The following HDAC9 variants were observed in gnomAD, a reference collection of about 807,000 sequenced individuals.
HDAC9 encodes histone deacetylase 9, also known as MEF-2 interacting transcription repressor (MITR) protein.
A neutral mutation model predicts 139.4 loss-of-function variants in HDAC9; 41 were observed. That is an observed-to-expected ratio of 0.29 (90% CI 0.23 to 0.38). The LOEUF (loss-of-function observed/expected upper bound fraction) is 0.38, where lower values mean the gene tolerates loss of function less well. Ranked by LOEUF, HDAC9 falls within the 10% of genes least tolerant of loss-of-function variation. The probability of loss-of-function intolerance (pLI) is 1.00; values close to 1 mark genes in which losing one functional copy is unlikely to be tolerated. For synonymous variants in HDAC9, 517 were observed against 476.2 expected, an observed-to-expected ratio of 1.09 and a Z score of -1.12; for missense variants, 1,147 against 1,297.0, an observed-to-expected ratio of 0.88 and a Z score of 1.78.
chr7:18,623,946 G>A (rs772721556), intron 6 of HDAC9, among the ~76,000 whole-genome samples: 1 of 152,010 alleles, frequency 6.6e-6, no homozygotes, highest in Non-Finnish European at 1.5e-5. Context: ...TGCAGGGGGG[G>A]TAAAAAAAGC....
At chr7:18,277,645 G>GA in intron 2 of HDAC9, among the ~76,000 whole-genome samples, 1 of 152,046 alleles carries the variant, frequency 6.6e-6, no homozygotes, top group African/African-American at 2.4e-5. Context: ...AAGACTTACT[G>GA]GAAGTCATTT....
intron 13 of HDAC9, among the ~76,000 whole-genome samples, chr7:18,732,473 T>TATAC (rs774575383): frequency 4.7e-5 from 7 of 148,110 alleles, no homozygotes; most frequent in African/African-American, 1.6e-4. Flanking sequence ...TATGTGTGTA[T>TATAC]ATACAGTGTA....
intron 1 of HDAC9, among the ~76,000 whole-genome samples, chr7:18,332,382 TGTGTGTGTGTGAGA>T (rs1454365752): frequency 6.7e-6 from 1 of 148,900 alleles, no homozygotes; most frequent in African/African-American, 2.5e-5. Flanking sequence ...TGTGTGTGTG[TGTGTGTGTGTGAGA>T]GAGAGAGAGA....
At chr7:18,320,406 T>A (rs897022691) in intron 1 of HDAC9, among the ~76,000 whole-genome samples, 1 of 152,202 alleles carries the variant, frequency 6.6e-6, no homozygotes, top group South Asian at 2.1e-4. Context: ...TAATAATGAC[T>A]GAGGGAATAA....
At chr7:18,279,517 G>A (rs1796957464) in intron 2 of HDAC9, among the ~76,000 whole-genome samples, 1 of 151,572 alleles carries the variant, frequency 6.6e-6, no homozygotes, top group Non-Finnish European at 1.5e-5. Flanking sequence ...AGGCTGGAGT[G>A]CGCAGTGGCG....
chr7:18,955,795 T>G (rs1217815154), intron 24 of HDAC9, among the ~76,000 whole-genome samples: 4 of 152,112 alleles, frequency 2.6e-5, no homozygotes, highest in Non-Finnish European at 4.4e-5. Context: ...TAAGGAAGGT[T>G]GCTTGACGGT....
At chr7:18,902,001 G>C (rs17350515) in intron 22 of HDAC9, among the ~76,000 whole-genome samples, 2 of 151,946 alleles carry the variant, frequency 1.3e-5, no homozygotes, top group African/African-American at 4.8e-5. Context: ...AGTTACACAT[G>C]AAATTGCCCT....
chr7:18,345,753 G>A (rs1782363324), intron 1 of HDAC9, among the ~76,000 whole-genome samples: 1 of 151,934 alleles, frequency 6.6e-6, no homozygotes, highest in Non-Finnish European at 1.5e-5. Context: ...TTGACTGGGT[G>A]ACTGATTCTC....
At chr7:18,961,104 T>C (rs1314834597) in intron 24 of HDAC9, among the ~76,000 whole-genome samples, 3 of 152,222 alleles carry the variant, frequency 2.0e-5, no homozygotes. Context: ...TTTTTTCGTA[T>C]GTCTCTTCTC....
At chr7:18,974,607 C>T (rs549815263) in intron 24 of HDAC9, among the ~76,000 whole-genome samples, 2 of 152,134 alleles carry the variant, frequency 1.3e-5, no homozygotes, top group African/African-American at 4.8e-5. Flanking sequence ...GGGATCACAG[C>T]AAGTTAAATA....
Position 18,734,076 on chromosome 7 carries a change from T to C in HDAC9, c.1909+6319T>C, listed in dbSNP as rs183220111. ...GTTTTATTACATTTTACTTTAAAAATTTAAGGTTTGTGGCAATCCTGAATT... is the reference window on the plus strand; with the variant it reads ...GTTTTATTACATTTTACTTTAAAAACTTAAGGTTTGTGGCAATCCTGAATT... On this transcript the variant is annotated intron_variant, in intron 13 of 25. Transcript: ENST00000686413. Among the ~76,000 whole-genome samples the C allele has an allele frequency of 3.3e-4, 50 of 152,334 alleles. No homozygotes were observed. The East Asian group carries it at 9.2e-3, about 28-fold the overall frequency.
rs1204511923 is a variant in HDAC9 at position 18,524,216 on chromosome 7, G to A, written c.22+27892G>A. Among the ~76,000 whole-genome samples the A allele has an allele frequency of 3.9e-5, 6 of 152,110 alleles. No individual in the cohort carries two copies. The East Asian group carries it at 1.2e-3, about 29-fold the overall frequency. ...AGTGAATGTGAGCATGATAATTCAT[G>A]TAATTAACTGCCATATTTCTTGTAG... On this transcript the variant is annotated intron_variant, in intron 2 of 25. Coordinates refer to ENST00000686413, the MANE Select transcript of HDAC9 (RefSeq NM_178425.4).
intron 1 of HDAC9, among the ~76,000 whole-genome samples, chr7:18,153,542 A>G (rs1479570136): frequency 6.6e-6 from 1 of 152,156 alleles, no homozygotes; most frequent in East Asian, 1.9e-4. Context: ...GAGGGGTCCA[A>G]TTAGAGGTAC....
Position 18,636,771 on chromosome 7 carries a change from A to G in HDAC9, c.912+2029A>G, listed in dbSNP as rs561828862. ...GAGACATAAGTGGAGTTATTGGGTT[A>G]TTAGTTGTAGATAGCATCTTTTTGT... On this transcript the variant is annotated intron_variant, in intron 8 of 25. Transcript: ENST00000686413. Among the ~76,000 whole-genome samples the G allele has an allele frequency of 1.0e-3, 153 of 152,228 alleles. 1 individual carries two copies. The highest frequency in any genetic ancestry group is 1.2e-3 in the Non-Finnish European group (84 of 67,992).
chr7:18,150,842 C>G (rs1174302206), intron 1 of HDAC9, among the ~76,000 whole-genome samples: 1 of 151,986 alleles, frequency 6.6e-6, no homozygotes, highest in East Asian at 1.9e-4. Flanking sequence ...CTATTTTTTT[C>G]TTAAGGAAGT....
intron 1 of HDAC9, chr7:18,327,350 T>A (rs965788748): frequency 6.6e-6 from 1 of 151,942 alleles, no homozygotes; most frequent in Non-Finnish European, 1.5e-5. Flanking sequence ...GAAGATGTAA[T>A]GCTATAATAT....
chr7:18,303,940 C>T (rs1055860772), intron 1 of HDAC9, among the ~76,000 whole-genome samples: 1 of 152,174 alleles, frequency 6.6e-6, no homozygotes, highest in African/African-American at 2.4e-5. Context: ...GTCCTGCCAA[C>T]CTGAAGTGTT....
rs536931510 is a variant in HDAC9 at position 19,000,755 on chromosome 7, C to T, written c.*4693C>T. The T allele has an allele frequency of 3.9e-5, 6 of 152,296 alleles. No individual in the cohort carries two copies. The highest frequency in any genetic ancestry group is 1.4e-4 in the African/African-American group (6 of 41,570). 9.4% of individuals were successfully genotyped at this position (152,296 alleles called of 1,614,324 possible). Reference sequence around the variant, plus strand: ...AAATACATGGTGAATCTGGTGTAAACTTACAATCTAACAAATAATTTTCTT... The same window carrying T: ...AAATACATGGTGAATCTGGTGTAAATTTACAATCTAACAAATAATTTTCTT... On this transcript the variant is annotated 3_prime_UTR_variant, in exon 26 of 26. Transcript: ENST00000686413.
intron 1 of HDAC9, among the ~76,000 whole-genome samples, chr7:18,463,956 C>T (rs958052852): frequency 6.6e-6 from 1 of 151,838 alleles, no homozygotes; most frequent in Admixed American, 6.6e-5. Flanking sequence ...GTTGAGACTC[C>T]TCTGGTCAAT....
Sources: allele counts gnomAD v4.1 joint callset (sites outside exome capture counted in the v4.1 genomes callset), GRCh38; gene constraint gnomAD v4.1.1; transcripts MANE v1.5; gene names NCBI Gene and HGNC (gene_info 2026-07-23, HGNC 2026-07-21).